KCTD16: variants seen among roughly 807,000 people sequenced by gnomAD.
The protein encoded by KCTD16 is BTB/POZ domain-containing protein KCTD16.
KCTD16 carries 13 observed loss-of-function variants against 33.2 expected under a neutral mutation model. The observed-to-expected ratio is 0.39, with a 90% CI of 0.25 to 0.62. The LOEUF is 0.62. Among genes scored for constraint, KCTD16 ranks in the 20% least tolerant of loss-of-function variants. The pLI, the probability that KCTD16 is intolerant of heterozygous loss-of-function variation, is 0.50. For missense variants in KCTD16, 441 were observed against 525.1 expected (o/e 0.84, Z 1.57); for synonymous variants, 197 against 195.3 (o/e 1.01, Z -0.07).
At chr5:144,435,472 T>C (rs1444514084) in intron 3 of KCTD16, among the ~76,000 whole-genome samples, 1 of 152,208 alleles carries the variant, frequency 6.6e-6, no homozygotes, top group Non-Finnish European at 1.5e-5. Context: ...TTTTTCAAAG[T>C]ATGTTTTATA....
chr5:144,437,548 C>T (rs1753606003), intron 3 of KCTD16, among the ~76,000 whole-genome samples: 1 of 152,130 alleles, frequency 6.6e-6, no homozygotes, highest in Non-Finnish European at 1.5e-5. Context: ...ATAATATACT[C>T]ACTAGATATT....
In KCTD16 at chr5:144,350,482, A is replaced by C. The variant is rs190480998; in HGVS notation, c.833-123178A>C. 1.0e-3 allele frequency among the ~76,000 whole-genome samples: 152 copies of C among 152,322 alleles called. 2 individuals carry two copies. The highest frequency in any genetic ancestry group is 9.7e-3 in the Admixed American group (149 of 15,292). ...TACAGAAAAGAAGTCTGAATTATAC[A>C]TTAGTGACTTTCCCCAAATTCCCTG... is the stretch of plus-strand genomic sequence containing the variant. On this transcript the variant is annotated intron_variant, in intron 3 of 3. Transcript: ENST00000512467.
At chr5:144,253,305 T>C (rs568469103) in intron 3 of KCTD16, among the ~76,000 whole-genome samples, 1 of 152,308 alleles carries the variant, frequency 6.6e-6, no homozygotes, top group Non-Finnish European at 1.5e-5. Context: ...AATATTGGAA[T>C]CTGGGCTTCC....
At chr5:144,223,737 C>T (rs900711248) in intron 3 of KCTD16, among the ~76,000 whole-genome samples, 2 of 151,852 alleles carry the variant, frequency 1.3e-5, no homozygotes, top group Non-Finnish European at 2.9e-5. Context: ...GGGAGGAATT[C>T]CATGATTTCA....
chr5:144,320,183 T>A (rs1216174746), intron 3 of KCTD16, among the ~76,000 whole-genome samples: 1 of 152,188 alleles, frequency 6.6e-6, no homozygotes, highest in Non-Finnish European at 1.5e-5. Flanking sequence ...CAGTAGCTTC[T>A]AATTTCCTGC....
rs536942354 is a variant in KCTD16 at position 144,401,224 on chromosome 5, A to G, written c.833-72436A>G. On this transcript the variant is annotated intron_variant, in intron 3 of 3. Transcript: ENST00000512467. ...GTTGATTTTAATTTAATTACAATTAATTAATTAACTAAATTACAGCACCAA... is the reference window on the plus strand; with the variant it reads ...GTTGATTTTAATTTAATTACAATTAGTTAATTAACTAAATTACAGCACCAA... 2.6e-5 allele frequency among the ~76,000 whole-genome samples: 4 copies of G among 152,332 alleles called. No homozygotes were observed. The South Asian group carries it at 8.3e-4, about 32-fold the overall frequency.
intron 3 of KCTD16, among the ~76,000 whole-genome samples, chr5:144,344,585 C>G (rs1038826045): frequency 1.3e-5 from 2 of 151,130 alleles, no homozygotes; most frequent in African/African-American, 4.9e-5. Flanking sequence ...ATTTATGCAG[C>G]CAAAAAACAC....
At chr5:144,322,835 C>T (rs568651853) in intron 3 of KCTD16, among the ~76,000 whole-genome samples, 5 of 152,004 alleles carry the variant, frequency 3.3e-5, no homozygotes, top group South Asian at 4.2e-4. Flanking sequence ...ACCAGTAAAA[C>T]GGATTTGCAG....
At chr5:144,407,653 C>A (rs538066142) in intron 3 of KCTD16, among the ~76,000 whole-genome samples, 4 of 152,022 alleles carry the variant, frequency 2.6e-5, no homozygotes, top group Non-Finnish European at 5.9e-5. Flanking sequence ...AGGTTTTAAG[C>A]CCCACATGCA....
rs150932904 is a variant in KCTD16 at position 144,255,141 on chromosome 5, A to G, written c.832+47595A>G. Among the ~76,000 whole-genome samples, 558 of 152,280 alleles carry G rather than the reference A, an allele frequency of 3.7e-3. 12 individuals carry two copies. The highest frequency in any genetic ancestry group is 9.4e-4 in the Non-Finnish European group (64 of 68,016). On this transcript the variant is annotated intron_variant, in intron 3 of 3. Transcript: ENST00000512467. ...GTTCATCTATGTTGTTTAATGATGT[A>G]GAATTTCCTTATTTTTTAAGGCTGA... is the stretch of plus-strand genomic sequence containing the variant.
chr5:144,345,298 T>C (rs1475089522), intron 3 of KCTD16, among the ~76,000 whole-genome samples: 1 of 151,982 alleles, frequency 6.6e-6, no homozygotes, highest in Non-Finnish European at 1.5e-5. Flanking sequence ...GGCACATGTA[T>C]ACTTATGTAA....
At chr5:144,350,604 G>C (rs1751394739) in intron 3 of KCTD16, among the ~76,000 whole-genome samples, 2 of 152,088 alleles carry the variant, frequency 1.3e-5, no homozygotes, top group Non-Finnish European at 2.9e-5. Context: ...ATTGCTTATA[G>C]AATTAATGAT....
chr5:144,439,438 T>C, intron 3 of KCTD16: 1 of 335,524 alleles, frequency 3.0e-6, no homozygotes, highest in South Asian at 2.9e-5. Flanking sequence ...CACATCTTAC[T>C]ATTCCAGTGC....
intron 3 of KCTD16, among the ~76,000 whole-genome samples, chr5:144,352,874 C>T (rs574086719): frequency 1.9e-4 from 29 of 152,276 alleles, no homozygotes; most frequent in Non-Finnish European, 3.7e-4. Context: ...TGAATATCTT[C>T]GGCTCTGCTG....
At chr5:144,438,440 T>C (rs887130872) in intron 3 of KCTD16, among the ~76,000 whole-genome samples, 4 of 152,244 alleles carry the variant, frequency 2.6e-5, no homozygotes, top group African/African-American at 9.6e-5. Flanking sequence ...TCTGTGCATC[T>C]GTCTCCGCTC....
rs1458427018 is a variant in KCTD16, at chr5:144,268,354, C to G, written c.832+60808C>G. ...GCCCTTCCCCCTCCATCTGAGGTGA[C>G]CTCTAAGGGATTTAAAGGGCTAGAG... On this transcript the variant is annotated intron_variant, in intron 3 of 3. Coordinates refer to ENST00000512467, the MANE Select transcript of KCTD16 (RefSeq NM_020768.4). Among the ~76,000 whole-genome samples, 3 of 152,184 alleles carry G rather than the reference C, an allele frequency of 2.0e-5. No homozygotes were observed. In the East Asian group the frequency reaches 5.8e-4, roughly 29 times the overall value.
intron 3 of KCTD16, among the ~76,000 whole-genome samples, chr5:144,455,811 T>C (rs1461175424): frequency 6.6e-6 from 1 of 152,222 alleles, no homozygotes; most frequent in African/African-American, 2.4e-5. Context: ...GAGTGGACTG[T>C]CTGCAAATGT....
intron 3 of KCTD16, among the ~76,000 whole-genome samples, chr5:144,447,657 G>A (rs942382567): frequency 1.3e-5 from 2 of 151,456 alleles, no homozygotes; most frequent in African/African-American, 2.4e-5. Context: ...TCTGAGACAG[G>A]GTAGATATTC....
At chr5:144,356,027 C>A (rs1165559648) in intron 3 of KCTD16, among the ~76,000 whole-genome samples, 1 of 152,136 alleles carries the variant, frequency 6.6e-6, no homozygotes. Context: ...AAGCTGAATT[C>A]TACTGAGTTT....
Sources: gnomAD v4.1 joint callset for allele counts (sites outside exome capture counted in the v4.1 genomes callset) on GRCh38, gnomAD v4.1.1 for gene constraint, MANE v1.5 for transcripts, NCBI Gene and HGNC (gene_info 2026-07-23, HGNC 2026-07-21) for gene names.